DGKG: variants seen among roughly 807,000 people sequenced by gnomAD.
DGKG encodes DAG kinase gamma.
In DGKG, 78 loss-of-function variants were observed where a neutral mutation model predicts 105.3. That is an observed-to-expected ratio of 0.74 (90% CI 0.62 to 0.89). DGKG has a LOEUF of 0.89. DGKG is among the 40% of genes least tolerant of loss of function. The pLI is 0.00. For synonymous variants in DGKG, 346 were observed against 367.1 expected (o/e 0.94, Z 0.66); for missense variants, 958 against 1,020.1 (o/e 0.94, Z 0.83).
chr3:186,222,118 C>G (rs1719613223), intron 20 of DGKG, among the ~76,000 whole-genome samples: 1 of 152,210 alleles, frequency 6.6e-6, no homozygotes, highest in Non-Finnish European at 1.5e-5. Context: ...ATCACAGAGT[C>G]TGAGGGGATG....
chr3:186,238,214 T>G (rs1720507208), intron 20 of DGKG, among the ~76,000 whole-genome samples: 1 of 143,746 alleles, frequency 7.0e-6, no homozygotes, highest in East Asian at 2.1e-4. Flanking sequence ...GAAAATCACC[T>G]GAACCTGAGA....
Position 186,280,668 on chromosome 3 carries a change from A to G in DGKG, c.669+2T>C, listed in dbSNP as rs1469245803. On this transcript the variant is annotated splice_donor_variant, in intron 8 of 24. Transcript: ENST00000265022. LOFTEE classifies it high-confidence loss of function. ...AGCCACCCCATCCTTATAGAAACTC[A>G]CAGGCCTCAGCTCTGTGGGATCCCA... is the stretch of plus-strand genomic sequence containing the variant. 6.2e-7 allele frequency: 1 copy of G among 1,612,592 alleles called. No individual in the cohort carries two copies. The highest frequency in any genetic ancestry group is 8.5e-7 in the Non-Finnish European group (1 of 1,178,820).
chr3:186,164,749 G>T (rs1400649361), intron 23 of DGKG, 149 bp downstream of exon 23: 4 of 919,864 alleles, frequency 4.3e-6, no homozygotes, highest in Non-Finnish European at 4.8e-6. Flanking sequence ...TTTGGGAAAT[G>T]GTCTACAAAG....
At chr3:186,342,106 T>C (rs1726116889) in intron 1 of DGKG, among the ~76,000 whole-genome samples, 1 of 152,178 alleles carries the variant, frequency 6.6e-6, no homozygotes, top group African/African-American at 2.4e-5. Context: ...GCATGGCACA[T>C]GTATACGTAT....
chr3:186,239,592 A>ATGGGTATTTTAGACATGGGTATTT (rs1720577513), intron 20 of DGKG, among the ~76,000 whole-genome samples: 1 of 152,262 alleles, frequency 6.6e-6, no homozygotes, highest in Non-Finnish European at 1.5e-5. Flanking sequence ...ACATGGGCGA[A>ATGGGTATTTTAGACATGGGTATTT]TAGGCAGGGT....
chr3:186,154,631 C>T (rs1410689593), intron 24 of DGKG, among the ~76,000 whole-genome samples: 110 of 123,030 alleles, frequency 8.9e-4, no homozygotes, highest in African/African-American at 3.3e-3. Context: ...GACAACAGAG[C>T]GAGACTCTGT....
intron 1 of DGKG, among the ~76,000 whole-genome samples, chr3:186,328,963 C>T (rs868128247): frequency 4.6e-5 from 7 of 152,224 alleles, no homozygotes; most frequent in Middle Eastern, 3.4e-3. Context: ...CGTGACAGCC[C>T]GCCTCTGCCT....
rs540790094 is a variant in DGKG at position 186,205,295 on chromosome 3, T to A, written c.1917+6500A>T. 7.4e-5 allele frequency among the ~76,000 whole-genome samples: 11 copies of A among 148,220 alleles called. No individual in the cohort carries two copies. The South Asian group carries it at 2.4e-3, about 32-fold the overall frequency. ...AAAAAAAAAAAAGTGACCAACCTGC[T>A]CTATCAGCACTAACATGGAGTGATC... is the stretch of plus-strand genomic sequence containing the variant. On this transcript the variant is annotated intron_variant, in intron 21 of 24. Coordinates refer to ENST00000265022, the MANE Select transcript of DGKG (RefSeq NM_001346.3).
In DGKG at chr3:186,284,636, G is replaced by C; in HGVS notation, c.594+24C>G. 6.2e-7 allele frequency: 1 copy of C among 1,604,690 alleles called. No individual in the cohort carries two copies. Among genetic ancestry groups the C allele is most frequent in the Non-Finnish European group, 8.5e-7 (1 of 1,171,484 alleles). Reference sequence around the variant, plus strand: ...CCCCCAGCCTTTCTCAGGTCCATGAGGGATATTTAGAGTGAGAACTTACCG... The same window carrying C: ...CCCCCAGCCTTTCTCAGGTCCATGACGGATATTTAGAGTGAGAACTTACCG... On this transcript the variant is annotated intron_variant, in intron 7 of 24. Coordinates refer to ENST00000265022, the MANE Select transcript of DGKG (RefSeq NM_001346.3). This position sits in a 1 kb window ranked among gnomAD's most constrained non-coding sequence, Gnocchi z 4.0.
rs181222205 is a variant in DGKG, at chr3:186,331,571, C to T, written c.-248-10864G>A. Reference sequence around the variant, plus strand: ...TCAGAGTGAATGTGAGAATCTCTGCCGCAAGATAGTCATGAAAATGTCAGG... The same window carrying T: ...TCAGAGTGAATGTGAGAATCTCTGCTGCAAGATAGTCATGAAAATGTCAGG... On this transcript the variant is annotated intron_variant, in intron 1 of 24. Transcript: ENST00000265022. Among the ~76,000 whole-genome samples, 210 of 152,158 alleles carry T rather than the reference C, an allele frequency of 1.4e-3. 2 individuals are homozygous for T. The Middle Eastern group carries it at 0.031, about 22-fold the overall frequency.
At position 186,241,918 on chromosome 3, in the gene DGKG, T is replaced by G. The variant is rs75619153; in HGVS notation, c.1826+586A>C. Among the ~76,000 whole-genome samples the G allele has an allele frequency of 1.5e-3, 226 of 152,316 alleles. 1 individual carries two copies. Among genetic ancestry groups the G allele is most frequent in the African/African-American group, 5.3e-3 (219 of 41,570 alleles). ...CCTTTCATTTTTGAACCTAACTTGG[T>G]GACTTCACAGAGTGCCCAGGCTGAG... On this transcript the variant is annotated intron_variant, in intron 20 of 24. Coordinates refer to ENST00000265022, the MANE Select transcript of DGKG (RefSeq NM_001346.3).
chr3:186,302,556 AT>A (rs1409041743), intron 3 of DGKG, among the ~76,000 whole-genome samples: 1 of 33,108 alleles, frequency 3.0e-5, no homozygotes, highest in Non-Finnish European at 7.1e-5. Context: ...ATATATATAT[AT>A]ACACATATGT....
At chr3:186,298,339 G>T in intron 3 of DGKG, 110 bp from the exon 4 acceptor site, 2 of 1,036,146 alleles carry the variant, frequency 1.9e-6, no homozygotes. Flanking sequence ...GGAAAGGGAG[G>T]CAGTAGGACA....
chr3:186,326,084 G>A (rs941442585), intron 1 of DGKG, among the ~76,000 whole-genome samples: 9 of 152,122 alleles, frequency 5.9e-5, no homozygotes, highest in Non-Finnish European at 8.8e-5. Context: ...GCCCTATCAA[G>A]GACAGAGCTA....
chr3:186,289,255 T>C (rs1467436380), intron 5 of DGKG, among the ~76,000 whole-genome samples: 1 of 152,186 alleles, frequency 6.6e-6, no homozygotes, highest in Non-Finnish European at 1.5e-5. Flanking sequence ...GATTTCAAAA[T>C]GGTAAATGGC....
intron 24 of DGKG, among the ~76,000 whole-genome samples, chr3:186,154,658 A>G (rs1461787251): frequency 6.6e-6 from 1 of 151,514 alleles, no homozygotes; most frequent in African/African-American, 2.4e-5. Flanking sequence ...AAAAAAAAAA[A>G]AAAAAGAAAA....
intron 20 of DGKG, among the ~76,000 whole-genome samples, chr3:186,228,532 T>A (rs1013079527): frequency 1.3e-5 from 2 of 152,204 alleles, no homozygotes; most frequent in African/African-American, 4.8e-5. Context: ...TAGGATAAGA[T>A]GCAAACTCTG....
Position 186,149,397 on chromosome 3 carries a change from T to C in DGKG, c.*693A>G. ...AGCTCTGGGGGCTCTTGGAGCCGCC[T>C]CTAAGCAAACATGTAGACACCAGGA... On this transcript the variant is annotated 3_prime_UTR_variant, in exon 25 of 25. Coordinates refer to ENST00000265022, the MANE Select transcript of DGKG (RefSeq NM_001346.3). 1 of 985,420 alleles carries C rather than the reference T, an allele frequency of 1.0e-6. No homozygotes were observed. The highest frequency in any genetic ancestry group is 1.2e-6 in the Non-Finnish European group (1 of 829,938). The allele number at this position is 985,420 out of a possible 1,614,324, so 61.0% of individuals were successfully genotyped here.
intron 17 of DGKG, among the ~76,000 whole-genome samples, chr3:186,256,794 C>T (rs1026865570): frequency 6.6e-6 from 1 of 152,224 alleles, no homozygotes. Flanking sequence ...CCTGGACTGC[C>T]CTTCCTCAGG....
Sources: gnomAD v4.1 joint callset for allele counts (sites outside exome capture counted in the v4.1 genomes callset) on GRCh38, gnomAD v4.1.1 for gene constraint, Gnocchi (gnomAD v3.1) non-coding constraint, MANE v1.5 for transcripts, NCBI Gene and HGNC (gene_info 2026-07-23, HGNC 2026-07-21) for gene names.